The following SLC26A6 variants were observed in gnomAD, a reference collection of about 807,000 sequenced individuals.
SLC26A6 encodes solute carrier family 26 member 6, also known as anion exchange transporter.
Under a neutral mutation model 87.1 loss-of-function variants are expected in SLC26A6, and 67 were observed. That is an observed-to-expected ratio of 0.77 (90% CI 0.63 to 0.94). SLC26A6 has a LOEUF of 0.94. Among genes scored for constraint, SLC26A6 ranks in the 40% least tolerant of loss-of-function variants. The pLI is 0.00. For missense variants in SLC26A6, 902 were observed against 973.0 expected (o/e 0.93, Z 0.97); for synonymous variants, 414 against 405.9 (o/e 1.02, Z -0.24).
rs774404286 is a variant in SLC26A6, at chr3:48,635,386, A to G, written c.8T>C (p.Leu3Pro). The change falls in exon 1 of 21, where the codon CTG becomes CCG. Residue 3 changes from leucine to proline, a missense_variant. This residue lies in a region of SLC26A6 where 800 missense variants were observed against 856.8 expected (regional missense o/e 0.93). Transcript: ENST00000395550. ...CTGAACTCACCCCGACGCATCCGCC[A>G]GCCCCATGGCTCGCAAGTTGTCCGG... MGLADASGPRDTQ... is the reference protein window; with the variant it reads MGPADASGPRDTQ... 1.3e-6 allele frequency: 2 copies of G among 1,587,238 alleles called. No homozygotes were observed. Among genetic ancestry groups the G allele is most frequent in the East Asian group, 4.6e-5 (2 of 43,398 alleles).
At chr3:48,632,726 T>C in intron 4 of SLC26A6, 1 of 678,642 alleles carries the variant, frequency 1.5e-6, no homozygotes, top group Non-Finnish European at 2.7e-6. Context: ...TCTGCCAAGT[T>C]CCAGGCCCCT....
intron 17 of SLC26A6, 61 bp downstream of exon 17, chr3:48,627,884 CA>C (rs1272684779): frequency 3.4e-6 from 5 of 1,484,934 alleles, no homozygotes; most frequent in Admixed American, 2.2e-5. Context: ...CCTCATGAGA[CA>C]TGTGGATCCT....
chr3:48,626,110 T>TG, intron 20 of SLC26A6, 108 bp downstream of exon 20: 1 of 1,611,172 alleles, frequency 6.2e-7, no homozygotes, highest in South Asian at 1.1e-5. Context: ...CTGGGCCCAC[T>TG]GGGGACAGAG....
chr3:48,634,225 G>A (rs2046890918), intron 1 of SLC26A6: 1 of 154,646 alleles, frequency 6.5e-6, no homozygotes, highest in Admixed American at 6.3e-5. Context: ...GCCAAGGACT[G>A]GCTCTCACCT....
At chr3:48,631,613 C>G (rs1242696679) in intron 7 of SLC26A6, 36 bp downstream of exon 7, 1 of 1,602,138 alleles carries the variant, frequency 6.2e-7, no homozygotes, top group African/African-American at 1.3e-5. Flanking sequence ...CCTGACCTGC[C>G]CTTCTCCCCT....
chr3:48,634,612 G>A, intron 1 of SLC26A6: 1 of 615,244 alleles, frequency 1.6e-6, no homozygotes. Context: ...TCTCACAGAA[G>A]GATCTTACCT....
chr3:48,633,676 T>C, intron 1 of SLC26A6, 41 bp from the exon 2 acceptor site: 1 of 1,604,902 alleles, frequency 6.2e-7, no homozygotes. Flanking sequence ...AAGGCATCCC[T>C]GGCCCAACCT....
intron 20 of SLC26A6, 64 bp downstream of exon 20, chr3:48,626,154 G>A: frequency 6.2e-7 from 1 of 1,611,998 alleles, no homozygotes; most frequent in Non-Finnish European, 8.5e-7. Flanking sequence ...CTGGAGCTGG[G>A]GCCAGGGTGG....
chr3:48,633,379 G>A lies in SLC26A6; in HGVS notation c.194C>T (p.Ala65Val). Reference sequence around the variant, plus strand: ...TTGGAGCAGAAGGGCATAGGCCCGAGCACGGGAGCACCTAGGGACATGATA... The same window carrying A: ...TTGGAGCAGAAGGGCATAGGCCCGAACACGGGAGCACCTAGGGACATGATA... ...QWRTWLQCSRARAYALLLQHL... is the reference protein window; with the variant it reads ...QWRTWLQCSRVRAYALLLQHL... The change falls in exon 3 of 21, where the codon GCT (alanine) becomes GTT (valine). Residue 65 changes from alanine to valine, a missense_variant. Coordinates refer to ENST00000395550, the MANE Select transcript of SLC26A6 (RefSeq NM_022911.3). 1 of 1,613,396 alleles carries A rather than the reference G, an allele frequency of 6.2e-7. No individual in the cohort carries two copies. The highest frequency in any genetic ancestry group is 8.5e-7 in the Non-Finnish European group (1 of 1,179,998).
In SLC26A6 at chr3:48,626,882, C is replaced by T; in HGVS notation, c.2067G>A (p.Leu689=). 6.2e-7 allele frequency: 1 copy of T among 1,613,122 alleles called. No homozygotes were observed. Among genetic ancestry groups the T allele is most frequent in the Non-Finnish European group, 8.5e-7 (1 of 1,179,524 alleles). Residue 689 remains leucine (L), a synonymous_variant, in exon 18 of 21, where the codon CTG becomes CTA. Transcript: ENST00000395550. ...GGCCTGCCCCCGTCCTTACATTCTT[C>T]AGGCTCTTGAGGCACACAGTGTCCA... ...SFVDTVCLKS[L]KNIFHDFREI...
intron 20 of SLC26A6, 37 bp downstream of exon 20, chr3:48,626,181 A>G (rs377006924): frequency 1.9e-5 from 31 of 1,613,570 alleles, no homozygotes; most frequent in South Asian, 6.6e-5. Flanking sequence ...GCAATAGATT[A>G]ACAAAAAAGA....
rs1033653049 is a variant in SLC26A6 at position 48,632,603 on chromosome 3, A to G, written c.434-207T>C. 5 of 738,914 alleles carry G rather than the reference A, an allele frequency of 6.8e-6. No homozygotes were observed. The Admixed American group carries it at 1.0e-4, about 15-fold the overall frequency. 45.8% of individuals were successfully genotyped at this position (738,914 alleles called of 1,614,324 possible). On this transcript the variant is annotated intron_variant, in intron 4 of 20. Coordinates refer to ENST00000395550, the MANE Select transcript of SLC26A6 (RefSeq NM_022911.3). ...TCACAGGCCCTTAAGCATGGCTAGAAATGCTGGCCCTGTCTCATCTACCCT... is the reference window on the plus strand; with the variant it reads ...TCACAGGCCCTTAAGCATGGCTAGAGATGCTGGCCCTGTCTCATCTACCCT...
In SLC26A6 at chr3:48,633,008, G is replaced by T. The variant is rs775524941; in HGVS notation, c.399C>A (p.Tyr133Ter). The change falls in exon 4 of 21, where the codon TAC becomes TAA. Residue 133 changes from tyrosine to a stop codon, truncating the protein, a stop_gained. Coordinates refer to ENST00000395550, the MANE Select transcript of SLC26A6 (RefSeq NM_022911.3). LOFTEE classifies it high-confidence loss of function. ...LYSSFYPVFI[Y>*]FLFGTSRHIS... ...TGTGCCGGGAAGTGCCAAACAGGAA[G>T]TAGATGAAGACAGGGTAGAAGGAGC... 7 of 1,613,700 alleles carry T rather than the reference G, an allele frequency of 4.3e-6. No individual in the cohort carries two copies. Among genetic ancestry groups the T allele is most frequent in the Middle Eastern group, 1.6e-4 (1 of 6,062 alleles).
At position 48,626,886 on chromosome 3, in the gene SLC26A6, C is replaced by T. The variant is rs1446510210; in HGVS notation, c.2063G>A (p.Ser688Asn). 2.5e-6 allele frequency: 4 copies of T among 1,613,398 alleles called. No individual in the cohort carries two copies. The East Asian group carries it at 8.9e-5, about 36-fold the overall frequency. ...TGCCCCCGTCCTTACATTCTTCAGG[C>T]TCTTGAGGCACACAGTGTCCACAAA... ...LSFVDTVCLK[S>N]LKNIFHDFRE... is the part of the protein sequence containing the mutation. The change falls in exon 18 of 21, where the codon AGC becomes AAC. Residue 688 changes from serine (S) to asparagine (N), a missense_variant. Transcript: ENST00000395550.
Position 48,628,777 on chromosome 3 carries a change from C to T in SLC26A6, c.1600-63G>A, listed in dbSNP as rs2046698584. ...TCTCTCCTGGCTGCATCCTGTTCTCCTGCCTTTCCTTCCCTAGTGTGCCCA... is the reference window on the plus strand; with the variant it reads ...TCTCTCCTGGCTGCATCCTGTTCTCTTGCCTTTCCTTCCCTAGTGTGCCCA... On this transcript the variant is annotated intron_variant, in intron 14 of 20. Coordinates refer to ENST00000395550, the MANE Select transcript of SLC26A6 (RefSeq NM_022911.3). The surrounding 1 kb of genome is among the most constrained non-coding windows in gnomAD (Gnocchi z 4.4). 3 of 1,560,934 alleles carry T rather than the reference C, an allele frequency of 1.9e-6. No homozygotes were observed. The Admixed American group carries it at 5.6e-5, about 29-fold the overall frequency.
In SLC26A6 at chr3:48,628,016, G is replaced by T. The variant is rs1267904066; in HGVS notation, c.1823C>A (p.Ser608Ter). ...GCTGGTGTTGACATTAATGGAAACT[G>T]AGGCGCCCTTGGGGGAGGCAGCCTA... ...RKQAASPKGA[S>*]VSINVNTSLE... The change falls in exon 17 of 21, where the codon TCA (serine) becomes TAA (stop). Residue 608 changes from serine to a stop codon, truncating the protein, a stop_gained. Transcript: ENST00000395550. LOFTEE classifies it high-confidence loss of function. This position sits in a 1 kb window ranked among gnomAD's most constrained non-coding sequence, Gnocchi z 4.4. 1 of 1,585,856 alleles carries T rather than the reference G, an allele frequency of 6.3e-7. No homozygotes were observed.
Position 48,626,322 on chromosome 3 carries a change from A to G in SLC26A6, c.2161T>C (p.Phe721Leu). ...TTCTTGGTGATGGATGCATCGAAGAAGTGCCCAGCCTCAAGCTGGCTGACC... is the reference window on the plus strand; with the variant it reads ...TTCTTGGTGATGGATGCATCGAAGAGGTGCCCAGCCTCAAGCTGGCTGACC... ...PVVSQLEAGH[F>L]FDASITKKHL... Residue 721 changes from phenylalanine to leucine, a missense_variant, in exon 20 of 21, where the codon TTC (phenylalanine) becomes CTC (leucine). Coordinates refer to ENST00000395550, the MANE Select transcript of SLC26A6 (RefSeq NM_022911.3). 1 of 1,614,084 alleles carries G rather than the reference A, an allele frequency of 6.2e-7. No individual in the cohort carries two copies. The highest frequency in any genetic ancestry group is 1.1e-5 in the South Asian group (1 of 91,084).
chr3:48,627,940 T>C lies in SLC26A6; in HGVS notation c.1893+6A>G. 6.3e-7 allele frequency: 1 copy of C among 1,583,548 alleles called. No homozygotes were observed. The highest frequency in any genetic ancestry group is 1.2e-5 in the South Asian group (1 of 85,722). The stretch of plus-strand genomic sequence containing the variant: ...CTGTCACCTCCTTTCCCACCTCCAG[T>C]CTCACCATCATCTTGCAGTCCTCAA... On this transcript the variant is annotated splice_donor_region_variant and intron_variant, in intron 17 of 20. Coordinates refer to ENST00000395550, the MANE Select transcript of SLC26A6 (RefSeq NM_022911.3).
Position 48,630,703 on chromosome 3 carries a change from G to A in SLC26A6, c.1152C>T (p.Gly384=). 3.1e-6 allele frequency: 5 copies of A among 1,601,194 alleles called. No individual in the cohort carries two copies. Among genetic ancestry groups the A allele is most frequent in the Non-Finnish European group, 4.3e-6 (5 of 1,173,010 alleles). The part of the protein sequence containing the change: ...VDSNQELVAL[G]LSNLIGGIFQ... ...AGATGCCTCCGATAAGGTTACTGAG[G>A]CCCAGGGCCACCAGCTCCTGACGGG... The change falls in exon 10 of 21, where the codon GGC becomes GGT. Residue 384 remains glycine (G), a synonymous_variant. Transcript: ENST00000395550.
Sources: gnomAD v4.1 joint callset for allele counts on GRCh38, gnomAD v4.1.1 for gene constraint, gnomAD v4.1.1 regional missense constraint, Gnocchi (gnomAD v3.1) non-coding constraint, MANE v1.5 for transcripts, NCBI Gene and HGNC (gene_info 2026-07-23, HGNC 2026-07-21) for gene names.